KCNMB2: variants seen among roughly 807,000 people sequenced by gnomAD.
KCNMB2 encodes the protein potassium calcium-activated channel subfamily M regulatory beta subunit 2.
A neutral mutation model predicts 24.5 loss-of-function variants in KCNMB2; 9 were observed. That is an observed-to-expected ratio of 0.37 (90% CI 0.22 to 0.64). KCNMB2 has a LOEUF of 0.64. Ranked by LOEUF, KCNMB2 falls within the 30% of genes least tolerant of loss-of-function variation. KCNMB2 has a pLI of 0.63. For synonymous variants in KCNMB2, 109 were observed against 104.4 expected, an observed-to-expected ratio of 1.04 and a Z score of -0.27; for missense variants, 226 against 284.3, an observed-to-expected ratio of 0.79 and a Z score of 1.47.
chr3:178,582,630 A>C (rs1041397563), intron 1 of KCNMB2, among the ~76,000 whole-genome samples: 1 of 152,210 alleles, frequency 6.6e-6, no homozygotes, highest in Non-Finnish European at 1.5e-5. Context: ...AAGTCATTCA[A>C]AAGGTCACTT....
intron 1 of KCNMB2, among the ~76,000 whole-genome samples, chr3:178,551,999 AACCCAGAGCTGCCAC>A (rs1239647761): frequency 6.6e-6 from 1 of 152,174 alleles, no homozygotes; most frequent in African/African-American, 2.4e-5. Flanking sequence ...AGAGCTCCGG[AACCCAGAGCTGCCAC>A]ACCCAGAGCT....
intron 1 of KCNMB2, among the ~76,000 whole-genome samples, chr3:178,636,101 T>C (rs2108543213): frequency 6.6e-6 from 1 of 152,370 alleles, no homozygotes; most frequent in East Asian, 1.9e-4. Flanking sequence ...CTTTATGTCC[T>C]TGAAATCTGT....
rs10677144 is a variant in KCNMB2, at chr3:178,586,538, C to CTTTTTTTTTTTTTTTTTTTTTTTTT, written c.-68+49828_-68+49852dup. ...ATTTTCTTTTCTTTTTTTTTTCTTT[C>CTTTTTTTTTTTTTTTTTTTTTTTTT]TTTTTTTTTTTTTTTTTTTTTTTTT... On this transcript the variant is annotated intron_variant, in intron 1 of 4. Transcript: ENST00000452583. 1.5e-4 allele frequency among the ~76,000 whole-genome samples: 10 copies of CTTTTTTTTTTTTTTTTTTTTTTTTT among 68,502 alleles called. 1 individual carries two copies. The highest frequency in any genetic ancestry group is 5.2e-4 in the East Asian group (1 of 1,938). The allele number at this position is 68,502 out of a possible 152,430, so 44.9% of individuals were successfully genotyped here.
intron 1 of KCNMB2, among the ~76,000 whole-genome samples, chr3:178,686,144 T>C (rs992676477): frequency 7.9e-5 from 12 of 152,202 alleles, no homozygotes; most frequent in Non-Finnish European, 1.6e-4. Context: ...AATATGTTTT[T>C]CTCACCCATT....
intron 2 of KCNMB2, among the ~76,000 whole-genome samples, chr3:178,809,753 A>G (rs934766534): frequency 6.6e-6 from 1 of 152,260 alleles, no homozygotes; most frequent in Non-Finnish European, 1.5e-5. Flanking sequence ...CAATTAGCTT[A>G]GTATTCTGCA....
rs74746925 is a variant in KCNMB2, at chr3:178,742,660, A to G, written c.-67-64683A>G. ...CTTCTCTCCTCCCTGCACAGCAACA[A>G]GGCAGTCATCGGAGACCCCTTGTCA... On this transcript the variant is annotated intron_variant, in intron 1 of 4. Transcript: ENST00000452583. 6.8e-3 allele frequency among the ~76,000 whole-genome samples: 1,036 copies of G among 152,262 alleles called. 17 individuals carry two copies. Among genetic ancestry groups the G allele is most frequent in the African/African-American group, 0.024 (979 of 41,538 alleles).
intron 1 of KCNMB2, among the ~76,000 whole-genome samples, chr3:178,580,519 C>A (rs578186268): frequency 3.0e-4 from 45 of 152,184 alleles, no homozygotes; most frequent in Non-Finnish European, 4.4e-5. Flanking sequence ...CTGGCCAGGG[C>A]AATCAGGCAA....
chr3:178,606,479 T>A (rs1268761509), intron 1 of KCNMB2, among the ~76,000 whole-genome samples: 3 of 151,754 alleles, frequency 2.0e-5, no homozygotes, highest in Non-Finnish European at 4.4e-5. Context: ...ATTTCTTTTT[T>A]TTTTTTTTTT....
intron 1 of KCNMB2, among the ~76,000 whole-genome samples, chr3:178,577,228 G>A (rs1336136676): frequency 1.3e-5 from 2 of 152,146 alleles, no homozygotes; most frequent in East Asian, 1.9e-4. Context: ...AGGCAAACAG[G>A]GTCTGGAGTG....
At chr3:178,770,473 T>C (rs1257919658) in intron 1 of KCNMB2, among the ~76,000 whole-genome samples, 1 of 152,236 alleles carries the variant, frequency 6.6e-6, no homozygotes, top group Non-Finnish European at 1.5e-5. Flanking sequence ...TGCGGTATTG[T>C]ATGAAGGCCA....
At chr3:178,549,474 CT>C (rs1237618463) in intron 1 of KCNMB2, among the ~76,000 whole-genome samples, 4,357 of 94,646 alleles carry the variant, frequency 0.046, 35 homozygotes, top group Admixed American at 0.08. Flanking sequence ...CAATGCCCAG[CT>C]TTTTTTTTTT....
At chr3:178,752,434 C>T (rs1723881878) in intron 1 of KCNMB2, among the ~76,000 whole-genome samples, 1 of 152,098 alleles carries the variant, frequency 6.6e-6, no homozygotes, top group Non-Finnish European at 1.5e-5. Context: ...ATAGTATATA[C>T]AATTAATAAG....
intron 1 of KCNMB2, among the ~76,000 whole-genome samples, chr3:178,621,615 G>GT (rs1202805931): frequency 2.0e-5 from 3 of 151,846 alleles, no homozygotes; most frequent in Non-Finnish European, 2.9e-5. Context: ...GCACCTTGCA[G>GT]TTTTTTTCCA....
At position 178,651,387 on chromosome 3, in the gene KCNMB2, C is replaced by T. The variant is rs191946714; in HGVS notation, c.-68+114676C>T. On this transcript the variant is annotated intron_variant, in intron 1 of 4. Transcript: ENST00000452583. ...GGGATGTGAAGGACCTCTTCAAGGACAACTACAAAGCACTGCTCAAGGAAA... is the reference window on the plus strand; with the variant it reads ...GGGATGTGAAGGACCTCTTCAAGGATAACTACAAAGCACTGCTCAAGGAAA... 5.3e-5 allele frequency among the ~76,000 whole-genome samples: 8 copies of T among 152,158 alleles called. No homozygotes were observed. The South Asian group carries it at 1.7e-3, about 32-fold the overall frequency.
chr3:178,629,800 G>A (rs1042938493), intron 1 of KCNMB2, among the ~76,000 whole-genome samples: 1 of 152,194 alleles, frequency 6.6e-6, no homozygotes, highest in East Asian at 1.9e-4. Context: ...TCAACCAGAA[G>A]TTTCCAAATG....
At chr3:178,750,777 T>C (rs763534793) in intron 1 of KCNMB2, among the ~76,000 whole-genome samples, 4 of 152,172 alleles carry the variant, frequency 2.6e-5, no homozygotes, top group Non-Finnish European at 5.9e-5. Flanking sequence ...CATTAGGTAA[T>C]AAGAGGGAAA....
intron 1 of KCNMB2, among the ~76,000 whole-genome samples, chr3:178,739,858 C>G (rs948000273): frequency 6.6e-6 from 1 of 152,082 alleles, no homozygotes; most frequent in African/African-American, 2.4e-5. Flanking sequence ...AATAATTATG[C>G]TAGGTCAGTG....
chr3:178,765,269 G>C (rs1012039499), intron 1 of KCNMB2, among the ~76,000 whole-genome samples: 4 of 152,138 alleles, frequency 2.6e-5, no homozygotes, highest in African/African-American at 9.6e-5. Flanking sequence ...CCTCACACAC[G>C]TGTTATCAAC....
At chr3:178,837,039 C>T (rs1218815246) in intron 4 of KCNMB2, among the ~76,000 whole-genome samples, 1 of 152,128 alleles carries the variant, frequency 6.6e-6, no homozygotes, top group Non-Finnish European at 1.5e-5. Flanking sequence ...ATTTGAGCCA[C>T]AGAAACAAAA....
Sources: gnomAD v4.1 joint callset for allele counts (sites outside exome capture counted in the v4.1 genomes callset) on GRCh38, gnomAD v4.1.1 for gene constraint, MANE v1.5 for transcripts, NCBI Gene and HGNC (gene_info 2026-07-23, HGNC 2026-07-21) for gene names.